CRACD: variants seen among roughly 807,000 people sequenced by gnomAD.
CRACD encodes capping protein inhibiting regulator of actin dynamics.
A neutral mutation model predicts 106.8 loss-of-function variants in CRACD; 56 were observed. That is an observed-to-expected ratio of 0.52 (90% CI 0.42 to 0.66). The LOEUF (loss-of-function observed/expected upper bound fraction) is 0.66, where lower values mean the gene tolerates loss of function less well. CRACD is among the 30% of genes least tolerant of loss of function. The pLI is 0.00. For missense variants in CRACD, 1,730 were observed against 1,623.2 expected, an observed-to-expected ratio of 1.07 and a Z score of -1.13; for synonymous variants, 754 against 670.8, an observed-to-expected ratio of 1.12 and a Z score of -1.92.
intron 1 of CRACD, among the ~76,000 whole-genome samples, chr4:56,164,394 A>T (rs907582383): frequency 1.3e-5 from 2 of 152,156 alleles, no homozygotes; most frequent in Non-Finnish European, 2.9e-5. Flanking sequence ...TCGGCCTCCC[A>T]AAGTGCTGGG....
At chr4:56,150,008 T>A (rs956497250) in intron 1 of CRACD, among the ~76,000 whole-genome samples, 1 of 152,210 alleles carries the variant, frequency 6.6e-6, no homozygotes, top group Non-Finnish European at 1.5e-5. Flanking sequence ...TAGTCAACAA[T>A]GTTTATCAAG....
intron 2 of CRACD, among the ~76,000 whole-genome samples, chr4:56,265,805 T>C (rs1462499864): frequency 6.6e-6 from 1 of 152,186 alleles, no homozygotes; most frequent in Non-Finnish European, 1.5e-5. Flanking sequence ...GGGACTATCA[T>C]AGCACATTTC....
chr4:56,087,411 T>C (rs10015524), intron 1 of CRACD, among the ~76,000 whole-genome samples: 10,525 of 152,254 alleles, frequency 0.069, 500 homozygotes, highest in African/African-American at 0.12. Context: ...CTGTTGGCCA[T>C]TGACATGTGG....
chr4:56,154,997 T>C (rs535179440), intron 1 of CRACD, among the ~76,000 whole-genome samples: 1 of 152,118 alleles, frequency 6.6e-6, no homozygotes, highest in Non-Finnish European at 1.5e-5. Context: ...TTTTCAAAAC[T>C]AAATGTTTTG....
rs568249444 is a variant in CRACD, at chr4:56,314,094, GGAC to G, written c.593_595del (p.Gly198_His199delinsAsp). 2 of 1,614,130 alleles carry G rather than the reference GGAC, an allele frequency of 1.2e-6. No homozygotes were observed. Among genetic ancestry groups the G allele is most frequent in the South Asian group, 2.2e-5 (2 of 91,074 alleles). ...GAGTCGGCCCTGCCTGGACCAGAAC[GGAC>G]ACCCAGGCGAGGACAAGCCAACGTG... On this transcript the variant is annotated inframe_deletion, in exon 8 of 11. Transcript: ENST00000682029. The surrounding 1 kb of genome is among the most constrained non-coding windows in gnomAD (Gnocchi z 4.4).
Position 56,195,084 on chromosome 4 carries a change from A to G in CRACD, c.-189+15654A>G, listed in dbSNP as rs60439078. On this transcript the variant is annotated intron_variant, in intron 2 of 10. Transcript: ENST00000682029. ...CTTTTCTACTTGAGGTTCTTCATGG[A>G]TAATGTGAGTCTTTAACAGATTAAG... 6.7e-3 allele frequency among the ~76,000 whole-genome samples: 1,020 copies of G among 152,302 alleles called. 19 individuals carry two copies. Among genetic ancestry groups the G allele is most frequent in the African/African-American group, 0.024 (978 of 41,560 alleles).
Position 56,197,684 on chromosome 4 carries a change from A to AT in CRACD, c.-189+18266dup, listed in dbSNP as rs542152435. Among the ~76,000 whole-genome samples, 342 of 145,942 alleles carry AT rather than the reference A, an allele frequency of 2.3e-3. 4 individuals carry two copies. Among genetic ancestry groups the AT allele is most frequent in the East Asian group, 0.022 (112 of 5,004 alleles). On this transcript the variant is annotated intron_variant, in intron 2 of 10. Transcript: ENST00000682029. The stretch of plus-strand genomic sequence containing the variant: ...CTCTATTTCCTTGTTGTGCAGGGTG[A>AT]TTTTTTTTTTTTGAAACGGAGTCTC...
At position 56,313,242 on chromosome 4, in the gene CRACD, G is replaced by A. The variant is rs530918882; in HGVS notation, c.400G>A (p.Ala134Thr). Residue 134 changes from alanine to threonine, a missense_variant, in exon 7 of 11, where the codon GCT (alanine) becomes ACT (threonine). By Grantham distance (58) the Ala-to-Thr change is moderately conservative. Around this residue, in one of 5 missense-constraint regions of CRACD, gnomAD observed 1,620 missense variants for 1,481.6 expected, o/e 1.09. Transcript: ENST00000682029. ...PSRPKRHFSSAGTIESVNLDA... is the reference protein window; with the variant it reads ...PSRPKRHFSSTGTIESVNLDA... ...TCGGCCAAAAAGGCACTTCTCTTCT[G>A]CTGGCACCATCGAAAGTGTCAACTT... The A allele has an allele frequency of 2.5e-5, 40 of 1,614,150 alleles. 1 individual carries two copies. The South Asian group carries it at 4.2e-4, about 17-fold the overall frequency.
At chr4:56,298,938 A>C (rs1744207219) in intron 4 of CRACD, among the ~76,000 whole-genome samples, 1 of 152,124 alleles carries the variant, frequency 6.6e-6, no homozygotes, top group African/African-American at 2.4e-5. Context: ...CTCCCCAACA[A>C]CAACAACAAC....
At chr4:56,214,073 T>G (rs1003563248) in intron 2 of CRACD, among the ~76,000 whole-genome samples, 3 of 152,122 alleles carry the variant, frequency 2.0e-5, no homozygotes, top group African/African-American at 7.2e-5. Context: ...TTTAACAAAA[T>G]ACCATCCTGG....
At chr4:56,183,359 C>T (rs1020172954) in intron 2 of CRACD, among the ~76,000 whole-genome samples, 1 of 151,942 alleles carries the variant, frequency 6.6e-6, no homozygotes, top group African/African-American at 2.4e-5. Context: ...TCCCTCTAAA[C>T]GTGCAGCCGT....
chr4:56,154,015 A>G (rs1456124984), intron 1 of CRACD, among the ~76,000 whole-genome samples: 1 of 152,120 alleles, frequency 6.6e-6, no homozygotes, highest in Non-Finnish European at 1.5e-5. Context: ...TTTACTTTCT[A>G]TTAGAATAGC....
intron 2 of CRACD, among the ~76,000 whole-genome samples, chr4:56,255,203 GTC>G (rs1344873797): frequency 5.3e-5 from 8 of 150,374 alleles, no homozygotes; most frequent in Non-Finnish European, 1.0e-4. Context: ...CCTGTATTGA[GTC>G]TCTGTGTTAT....
chr4:56,307,732 C>T (rs751903910), intron 5 of CRACD, 33 bp downstream of exon 5: 3 of 1,610,684 alleles, frequency 1.9e-6, no homozygotes, highest in South Asian at 1.1e-5. Flanking sequence ...CTTGATGGCT[C>T]ATAAACCAGG....
intron 1 of CRACD, among the ~76,000 whole-genome samples, chr4:56,125,536 A>C (rs1577679081): frequency 6.6e-6 from 1 of 152,032 alleles, no homozygotes; most frequent in East Asian, 1.9e-4. Context: ...CTCCCACCTC[A>C]GCCTTCTGAG....
At chr4:56,291,854 A>T (rs370422270) in intron 3 of CRACD, among the ~76,000 whole-genome samples, 3 of 152,198 alleles carry the variant, frequency 2.0e-5, no homozygotes, top group South Asian at 4.1e-4. Context: ...TAACACAAAA[A>T]TGACCTAATA....
rs539225670 is a variant in CRACD, at chr4:56,189,559, C to G, written c.-189+10129C>G. The stretch of plus-strand genomic sequence containing the variant: ...GCTATCCCTCCCCCCTCCCCCCACC[C>G]CACAACAGTCCCTGGTGTGTGATGT... On this transcript the variant is annotated intron_variant, in intron 2 of 10. Coordinates refer to ENST00000682029, the MANE Select transcript of CRACD (RefSeq NM_001393381.1). 1.7e-4 allele frequency among the ~76,000 whole-genome samples: 18 copies of G among 107,174 alleles called. No individual in the cohort carries two copies. In the South Asian group the frequency reaches 5.1e-3, roughly 31 times the overall value. 70.3% of individuals were successfully genotyped at this position (107,174 alleles called of 152,430 possible). A position where few individuals can be genotyped will look rare whatever the true frequency, so the allele number is the denominator to read the frequency against.
At chr4:56,188,703 C>G (rs1278603503) in intron 2 of CRACD, among the ~76,000 whole-genome samples, 2 of 139,494 alleles carry the variant, frequency 1.4e-5, no homozygotes, top group Non-Finnish European at 1.5e-5. Context: ...CACACACACA[C>G]ACACACACAG....
At chr4:56,154,555 G>C (rs1488264367) in intron 1 of CRACD, among the ~76,000 whole-genome samples, 1 of 152,096 alleles carries the variant, frequency 6.6e-6, no homozygotes, top group African/African-American at 2.4e-5. Context: ...GGTGAGACAG[G>C]AAAACAGAAT....
Sources: allele counts gnomAD v4.1 joint callset (sites outside exome capture counted in the v4.1 genomes callset), GRCh38; gene constraint gnomAD v4.1.1; regional missense constraint gnomAD v4.1.1; non-coding constraint Gnocchi (gnomAD v3.1); transcripts MANE v1.5; gene names NCBI Gene and HGNC (gene_info 2026-07-23, HGNC 2026-07-21).